TSC2: variants seen among roughly 807,000 people sequenced by gnomAD.
TSC2 encodes TSC complex subunit 2.
In TSC2, 29 loss-of-function variants were observed where a neutral mutation model predicts 202.2. The ratio of observed to expected loss-of-function variants is 0.14; its 90% CI spans 0.11 to 0.20. The LOEUF (loss-of-function observed/expected upper bound fraction) is 0.20. Ranked by LOEUF, TSC2 falls within the 10% of genes least tolerant of loss-of-function variation. The pLI is 1.00. For synonymous variants in TSC2, 1,349 were observed against 1,044.0 expected (o/e 1.29, Z -5.63); for missense variants, 2,429 against 2,420.0 (o/e 1.00, Z -0.08).
chr16:2,059,507 T>G (rs1192989692), intron 10 of TSC2, among the ~76,000 whole-genome samples: 1 of 123,520 alleles, frequency 8.1e-6, no homozygotes, highest in African/African-American at 3.0e-5. Flanking sequence ...GCCTGGCTAA[T>G]GGTTTTTTTT....
chr16:2,055,162 C>T (rs1385251477), intron 5 of TSC2: 4 of 600,900 alleles, frequency 6.7e-6, no homozygotes, highest in Non-Finnish European at 1.2e-5. Context: ...GCCGCCTCGG[C>T]ACAGACCCTC....
chr16:2,075,906 C>G lies in TSC2; in HGVS notation c.2639+14C>G, dbSNP rs1057520927. The stretch of plus-strand genomic sequence containing the variant: ...CAACCCCTCCAAGTGAGTGGTCGCC[C>G]CAGGCCCTGTGCCTCCCAGCCGTGG... On this transcript the variant is annotated intron_variant, in intron 23 of 41. Transcript: ENST00000219476. 6.2e-7 allele frequency: 1 copy of G among 1,613,034 alleles called. No individual in the cohort carries two copies. Among genetic ancestry groups the G allele is most frequent in the Admixed American group, 1.7e-5 (1 of 60,030 alleles).
intron 36 of TSC2, among the ~76,000 whole-genome samples, 184 bp from the exon 37 acceptor site, chr16:2,086,009 G>A (rs930482825): frequency 3.3e-5 from 5 of 152,200 alleles, no homozygotes; most frequent in African/African-American, 1.2e-4. Flanking sequence ...ACGGGGCTGA[G>A]GGAAGAGAGG....
chr16:2,063,888 A>G, intron 14 of TSC2: 1 of 372,650 alleles, frequency 2.7e-6, no homozygotes, highest in Non-Finnish European at 5.2e-6. Flanking sequence ...ACAGGCACAC[A>G]CGTGCACATG....
chr16:2,073,242 G>T (rs1294232532), intron 21 of TSC2, among the ~76,000 whole-genome samples: 1 of 152,188 alleles, frequency 6.6e-6, no homozygotes, highest in Non-Finnish European at 1.5e-5. Context: ...TCTGTAGAGC[G>T]TTGCCTGGCT....
At chr16:2,068,978 G>T (rs2087807350) in intron 16 of TSC2, among the ~76,000 whole-genome samples, 1 of 151,908 alleles carries the variant, frequency 6.6e-6, no homozygotes, top group South Asian at 2.1e-4. Flanking sequence ...TCCTCATGTT[G>T]AGGGGACTGA....
rs1555498511 is a variant in TSC2 at position 2,056,186 on chromosome 16, C to T, written c.600-10C>T. On this transcript the variant is annotated splice_polypyrimidine_tract_variant and intron_variant, in intron 6 of 41. Transcript: ENST00000219476. The stretch of plus-strand genomic sequence containing the variant: ...AGTGCTGCCGGGACTGAGCTCGGTG[C>T]TCCCTGCAGGATGATCTGTCTGCTG... The T allele has an allele frequency of 4.3e-6, 7 of 1,613,864 alleles. No individual in the cohort carries two copies. The highest frequency in any genetic ancestry group is 5.1e-6 in the Non-Finnish European group (6 of 1,180,040).
At position 2,089,066 on chromosome 16, in the gene TSC2, C is replaced by T. The variant is rs768097806; in HGVS notation, c.*456C>T. The T allele has an allele frequency of 4.7e-4, 88 of 187,514 alleles. No individual in the cohort carries two copies. The highest frequency in any genetic ancestry group is 2.5e-4 in the Non-Finnish European group (22 of 89,056). The allele number at this position is 187,514 out of a possible 1,614,324, so 11.6% of individuals were successfully genotyped here. A position where few individuals can be genotyped will look rare whatever the true frequency, so the allele number is the denominator to read the frequency against. ...CCTGGGGCAAGGGAGGATGACAAGGCCTCTGGGGTGATGAGAGTGCCTGGC... is the reference window on the plus strand; with the variant it reads ...CCTGGGGCAAGGGAGGATGACAAGGTCTCTGGGGTGATGAGAGTGCCTGGC... On this transcript the variant is annotated 3_prime_UTR_variant, in exon 42 of 42. Coordinates refer to ENST00000219476, the MANE Select transcript of TSC2 (RefSeq NM_000548.5).
At chr16:2,063,813 C>T (rs1046900674) in intron 14 of TSC2, 2 of 265,374 alleles carry the variant, frequency 7.5e-6, no homozygotes, top group East Asian at 9.7e-5. Context: ...AACTTTTTAC[C>T]TGCTTCTGTG....
rs572627212 is a variant in TSC2 at position 2,056,362 on chromosome 16, G to A, written c.648+118G>A. 2.6e-5 allele frequency: 37 copies of A among 1,409,644 alleles called. No homozygotes were observed. In the Admixed American group the frequency reaches 2.6e-4, roughly 10 times the overall value. 87.3% of individuals were successfully genotyped at this position (1,409,644 alleles called of 1,614,324 possible). On this transcript the variant is annotated intron_variant, in intron 7 of 41. Transcript: ENST00000219476. ...CTGTGTAGCCCTGGGCAAGCTGCTC[G>A]GTCTCTCTGAGCCTCAGGAGTCCCC... is the stretch of plus-strand genomic sequence containing the variant.
Position 2,081,728 on chromosome 16 carries a change from C to T in TSC2, c.3744C>T (p.Ala1248=), listed in dbSNP as rs45517307. ...AERFKEHRDT[A]LYKSLSVPAA... ...GCTTCAAGGAGCACCGGGACACAGC[C>T]CTGTACAAGTCACTGTCGGTGCCGG... Residue 1248 remains alanine, a synonymous_variant, in exon 31 of 42, where the codon GCC becomes GCT. Coordinates refer to ENST00000219476, the MANE Select transcript of TSC2 (RefSeq NM_000548.5). 2.8e-4 allele frequency: 453 copies of T among 1,612,872 alleles called. 5 individuals carry two copies. Among genetic ancestry groups the T allele is most frequent in the Non-Finnish European group, 3.5e-4 (416 of 1,180,024 alleles).
chr16:2,082,732 G>A, intron 32 of TSC2: 1 of 614,958 alleles, frequency 1.6e-6, no homozygotes, highest in Admixed American at 2.5e-5. Flanking sequence ...CGCTGTGCGA[G>A]CACTCCCGGC....
chr16:2,088,872 T>TGCGCGC lies in TSC2; in HGVS notation c.*267_*272dup, dbSNP rs561630495. 18 of 500,402 alleles carry TGCGCGC rather than the reference T, an allele frequency of 3.6e-5. No homozygotes were observed. The highest frequency in any genetic ancestry group is 1.3e-4 in the African/African-American group (6 of 47,598). The allele number at this position is 500,402 out of a possible 1,614,324, so 31.0% of individuals were successfully genotyped here. A position where few individuals can be genotyped will look rare whatever the true frequency, so the allele number is the denominator to read the frequency against. ...CTGGGCCATACAGCACACTCGCGCG[T>TGCGCGC]GCGCGCGCGCACACACACACACACA... is the stretch of plus-strand genomic sequence containing the variant. On this transcript the variant is annotated 3_prime_UTR_variant, in exon 42 of 42. Coordinates refer to ENST00000219476, the MANE Select transcript of TSC2 (RefSeq NM_000548.5).
rs1208316718 is a variant in TSC2 at position 2,086,101 on chromosome 16, C to T, written c.4663-92C>T. ...GTCTGCCTCAGGGATCAGAGTGGGGCTCCCGGCAGAGCCTGCTGGGCACCC... is the reference window on the plus strand; with the variant it reads ...GTCTGCCTCAGGGATCAGAGTGGGGTTCCCGGCAGAGCCTGCTGGGCACCC... On this transcript the variant is annotated intron_variant, in intron 36 of 41. Coordinates refer to ENST00000219476, the MANE Select transcript of TSC2 (RefSeq NM_000548.5). The T allele has an allele frequency of 5.4e-6, 8 of 1,470,098 alleles. No homozygotes were observed. In the East Asian group the frequency reaches 1.6e-4, roughly 30 times the overall value. 91.1% of individuals were successfully genotyped at this position (1,470,098 alleles called of 1,614,324 possible). A position where few individuals can be genotyped will look rare whatever the true frequency, so the allele number is the denominator to read the frequency against.
chr16:2,065,827 C>A (rs954445481), intron 16 of TSC2, among the ~76,000 whole-genome samples, 192 bp downstream of exon 16: 1 of 152,168 alleles, frequency 6.6e-6, no homozygotes, highest in Non-Finnish European at 1.5e-5. Flanking sequence ...CAAGAGGCCC[C>A]GTTGTACGCC....
At chr16:2,075,504 G>A (rs1192351274) in intron 22 of TSC2, among the ~76,000 whole-genome samples, 3 of 140,768 alleles carry the variant, frequency 2.1e-5, no homozygotes, top group Non-Finnish European at 4.5e-5. Context: ...TCCAGCCTGG[G>A]CGACAGAGCC....
In TSC2 at chr16:2,076,161, C is replaced by T. The variant is rs1596367012; in HGVS notation, c.2733C>T (p.Phe911=). ...CCTTCCGGAAGGATTTTGTCCCTTTCATCACTAAGGTGGGCTCAGGGCCGG... is the reference window on the plus strand; with the variant it reads ...CCTTCCGGAAGGATTTTGTCCCTTTTATCACTAAGGTGGGCTCAGGGCCGG... The part of the protein sequence containing the change: ...RLPFRKDFVP[F]ITKGLRSNVL... Residue 911 remains phenylalanine (F), a synonymous_variant, in exon 24 of 42, where the codon TTC becomes TTT. Transcript: ENST00000219476. 1 of 1,613,742 alleles carries T rather than the reference C, an allele frequency of 6.2e-7. No individual in the cohort carries two copies. The highest frequency in any genetic ancestry group is 8.5e-7 in the Non-Finnish European group (1 of 1,180,028).
chr16:2,056,436 G>A (rs1209440089), intron 7 of TSC2, among the ~76,000 whole-genome samples, 192 bp downstream of exon 7: 1 of 152,224 alleles, frequency 6.6e-6, no homozygotes, highest in South Asian at 2.1e-4. Context: ...TGTAGCTCAG[G>A]GTGGATGACA....
Position 2,077,593 on chromosome 16 carries a change from G to GAT in TSC2, c.2838-3_2838-2dup. The GAT allele has an allele frequency of 6.2e-7, 1 of 1,612,824 alleles. No homozygotes were observed. Among genetic ancestry groups the GAT allele is most frequent in the Non-Finnish European group, 8.5e-7 (1 of 1,179,982 alleles). On this transcript the variant is annotated splice_region_variant and splice_polypyrimidine_tract_variant and intron_variant, in intron 25 of 41. Transcript: ENST00000219476. ...GGGCGTTGGGGCTCCTTCCTCACCC[G>GAT]ATAGTCTGAGGATAGCCAGACCCCC...
Sources: gnomAD v4.1 joint callset for allele counts (sites outside exome capture counted in the v4.1 genomes callset) on GRCh38, gnomAD v4.1.1 for gene constraint, MANE v1.5 for transcripts, NCBI Gene and HGNC (gene_info 2026-07-23, HGNC 2026-07-21) for gene names.